DBT: variants seen among roughly 807,000 people sequenced by gnomAD.
DBT encodes lipoamide acyltransferase component of branched-chain alpha-keto acid dehydrogenase complex, mitochondrial.
A neutral mutation model predicts 51.3 loss-of-function variants in DBT; 40 were observed. The ratio of observed to expected loss-of-function variants is 0.78; its 90% CI spans 0.61 to 1.02. The LOEUF (loss-of-function observed/expected upper bound fraction) is 1.02. DBT is among the 50% of genes least tolerant of loss of function. DBT has a pLI of 0.00. For missense variants in DBT, 510 were observed against 580.2 expected, an observed-to-expected ratio of 0.88 and a Z score of 1.24; for synonymous variants, 181 against 190.4, an observed-to-expected ratio of 0.95 and a Z score of 0.41.
intron 2 of DBT, among the ~76,000 whole-genome samples, chr1:100,239,013 C>T (rs1044863383): frequency 6.6e-6 from 1 of 152,166 alleles, no homozygotes; most frequent in Non-Finnish European, 1.5e-5. Context: ...ATTAGTATAT[C>T]TAAGCAGTAT....
intron 10 of DBT, among the ~76,000 whole-genome samples, chr1:100,202,438 T>C (rs890142001): frequency 2.6e-5 from 4 of 152,182 alleles, no homozygotes; most frequent in Admixed American, 6.5e-5. Context: ...CAAAGAGACT[T>C]AGATTTCCAC....
intron 7 of DBT, among the ~76,000 whole-genome samples, chr1:100,211,571 G>T (rs956387048): frequency 1.3e-5 from 2 of 152,244 alleles, no homozygotes; most frequent in South Asian, 4.1e-4. Context: ...TTCTTTACAT[G>T]CATTGTGTTA....
chr1:100,229,610 G>A lies in DBT; in HGVS notation c.433+1123C>T, dbSNP rs147917211. On this transcript the variant is annotated intron_variant, in intron 4 of 10. Coordinates refer to ENST00000370132, the MANE Select transcript of DBT (RefSeq NM_001918.5). ...AATATTAGTTATTGTTCCACCGACT[G>A]TAGAACTAAGTGTCAGCCAGACACT... Among the ~76,000 whole-genome samples, 102 of 152,332 alleles carry A rather than the reference G, an allele frequency of 6.7e-4. 4 individuals are homozygous for A. The East Asian group carries it at 0.018, about 27-fold the overall frequency.
intron 4 of DBT, among the ~76,000 whole-genome samples, chr1:100,220,269 CAA>C (rs34088406): frequency 1.8e-3 from 264 of 149,396 alleles, no homozygotes; most frequent in Middle Eastern, 3.4e-3. Context: ...TTTCTGCAAG[CAA>C]AAAAAAAAAA....
chr1:100,191,736 A>ATG lies in DBT; in HGVS notation c.*4517_*4518dup, dbSNP rs1477674711. On this transcript the variant is annotated 3_prime_UTR_variant, in exon 11 of 11. Transcript: ENST00000370132. ...GTCTCCTGGGGGTGTGTGTATATAT[A>ATG]TGTGTGTGTGTATACACACACACAC... 2.7e-5 allele frequency: 4 copies of ATG among 150,418 alleles called. No homozygotes were observed. Among genetic ancestry groups the ATG allele is most frequent in the African/African-American group, 9.8e-5 (4 of 40,646 alleles). 9.3% of individuals were successfully genotyped at this position (150,418 alleles called of 1,614,324 possible). A position where few individuals can be genotyped will look rare whatever the true frequency, so the allele number is the denominator to read the frequency against.
At position 100,210,749 on chromosome 1, in the gene DBT, T is replaced by C. The variant is rs758048048; in HGVS notation, c.962A>G (p.Gln321Arg). 3.1e-6 allele frequency: 5 copies of C among 1,613,754 alleles called. No homozygotes were observed. Among genetic ancestry groups the C allele is most frequent in the Middle Eastern group, 1.7e-4 (1 of 6,054 alleles). Residue 321 changes from glutamine to arginine, a missense_variant, in exon 8 of 11, where the codon CAG (glutamine) becomes CGG (arginine). Gln to Arg is a conservative substitution (Grantham distance 43). Coordinates refer to ENST00000370132, the MANE Select transcript of DBT (RefSeq NM_001918.5). ...FLKAASLGLLQFPILNASVDE... is the reference protein window; with the variant it reads ...FLKAASLGLLRFPILNASVDE... ...CACAGAAGCGTTAAGGATAGGAAAC[T>C]GTAGTAATCCCAAGGAAGCAGCCTG...
Position 100,210,742 on chromosome 1 carries a change from A to G in DBT, c.969T>C (p.Pro323=), listed in dbSNP as rs1170777147. The change falls in exon 8 of 11, where the codon CCT becomes CCC. Residue 323 remains proline, a synonymous_variant. Transcript: ENST00000370132. ...TTTCATCCACAGAAGCGTTAAGGAT[A>G]GGAAACTGTAGTAATCCCAAGGAAG... ...KAASLGLLQF[P]ILNASVDENC... 2 of 1,613,668 alleles carry G rather than the reference A, an allele frequency of 1.2e-6. No individual in the cohort carries two copies. The highest frequency in any genetic ancestry group is 4.5e-5 in the East Asian group (2 of 44,816).
intron 10 of DBT, among the ~76,000 whole-genome samples, chr1:100,198,154 A>G (rs2100764733): frequency 6.6e-6 from 1 of 152,376 alleles, no homozygotes; most frequent in Admixed American, 6.5e-5. Context: ...CATGGCATAC[A>G]TTTATATACA....
Position 100,194,830 on chromosome 1 carries a change from T to C in DBT, c.*1425A>G, listed in dbSNP as rs1660998140. ...TATTTCCATTTTGAGAAAAACCAAG[T>C]AGATATTAAAACAACCTTTTTTCTG... On this transcript the variant is annotated 3_prime_UTR_variant, in exon 11 of 11. Transcript: ENST00000370132. The C allele has an allele frequency of 6.6e-6, 1 of 152,172 alleles. No homozygotes were observed. The highest frequency in any genetic ancestry group is 2.1e-4 in the South Asian group (1 of 4,830). 9.4% of individuals were successfully genotyped at this position (152,172 alleles called of 1,614,324 possible).
intron 7 of DBT, among the ~76,000 whole-genome samples, chr1:100,214,413 C>A (rs1662360253): frequency 6.6e-6 from 1 of 152,096 alleles, no homozygotes; most frequent in Non-Finnish European, 1.5e-5. Context: ...TATTTTTATT[C>A]AAGGCCACAG....
At chr1:100,221,170 A>C (rs1662838333) in intron 4 of DBT, among the ~76,000 whole-genome samples, 1 of 152,108 alleles carries the variant, frequency 6.6e-6, no homozygotes, top group Admixed American at 6.6e-5. Context: ...ACATAGTACT[A>C]CCCTTTTAGA....
chr1:100,218,384 C>G (rs1385327854), intron 5 of DBT, among the ~76,000 whole-genome samples: 3 of 152,244 alleles, frequency 2.0e-5, no homozygotes, highest in Non-Finnish European at 4.4e-5. Context: ...GTAGCTCTTA[C>G]TGTTATTAGG....
chr1:100,196,189 G>C lies in DBT; in HGVS notation c.*66C>G, dbSNP rs1459566145. ...ATATAAATTGTAAAGATGAACATGT[G>C]CTGGCACAGCTAGGGTTTACATACT... On this transcript the variant is annotated 3_prime_UTR_variant, in exon 11 of 11. Transcript: ENST00000370132. 4 of 1,297,982 alleles carry C rather than the reference G, an allele frequency of 3.1e-6. No homozygotes were observed. In the African/African-American group the frequency reaches 5.8e-5, roughly 19 times the overall value. 80.4% of individuals were successfully genotyped at this position (1,297,982 alleles called of 1,614,324 possible).
Position 100,190,007 on chromosome 1 carries a change from GATTA to G in DBT, c.*6244_*6247del, listed in dbSNP as rs913782339. 2 of 152,070 alleles carry G rather than the reference GATTA, an allele frequency of 1.3e-5. No individual in the cohort carries two copies. Among genetic ancestry groups the G allele is most frequent in the African/African-American group, 4.8e-5 (2 of 41,390 alleles). The allele number at this position is 152,070 out of a possible 1,614,324, so 9.4% of individuals were successfully genotyped here. ...GGCTAGTATATCTGAGTTGAATTTT[GATTA>G]ATTAAAATTAAAATTTAAATTTAAA... On this transcript the variant is annotated 3_prime_UTR_variant, in exon 11 of 11. Transcript: ENST00000370132.
intron 10 of DBT, chr1:100,196,786 G>A (rs1221930260): frequency 4.6e-6 from 1 of 217,850 alleles, no homozygotes; most frequent in African/African-American, 2.3e-5. Context: ...ATTAAATAAG[G>A]CTTCCTCACT....
intron 7 of DBT, among the ~76,000 whole-genome samples, chr1:100,211,712 C>T (rs1256539690): frequency 3.9e-5 from 6 of 152,122 alleles, no homozygotes. Context: ...AGTAGATCAA[C>T]TGAAGAAAAA....
intron 4 of DBT, 31 bp from the exon 5 acceptor site, chr1:100,218,778 G>GA (rs763234572): frequency 3.4e-5 from 55 of 1,603,164 alleles, no homozygotes; most frequent in Middle Eastern, 3.3e-4. Flanking sequence ...AACTTCAGTT[G>GA]AAAAAAAATT....
At chr1:100,234,100 G>A (rs1663715246) in intron 3 of DBT, among the ~76,000 whole-genome samples, 1 of 152,090 alleles carries the variant, frequency 6.6e-6, no homozygotes, top group Non-Finnish European at 1.5e-5. Context: ...GAAAGTCTTT[G>A]AAGAGGAACC....
chr1:100,243,565 G>A (rs1664357427), intron 1 of DBT, among the ~76,000 whole-genome samples: 1 of 151,956 alleles, frequency 6.6e-6, no homozygotes, highest in African/African-American at 2.4e-5. Flanking sequence ...CAGGCAATCC[G>A]CCCACCTTGG....
Sources: allele counts gnomAD v4.1 joint callset (sites outside exome capture counted in the v4.1 genomes callset), GRCh38; gene constraint gnomAD v4.1.1; transcripts MANE v1.5; gene names NCBI Gene and HGNC (gene_info 2026-07-23, HGNC 2026-07-21).